Variants in PTPN13 observed in about 807,000 individuals in gnomAD.
PTPN13 encodes the protein protein tyrosine phosphatase non-receptor type 13, also known as tyrosine-protein phosphatase non-receptor type 13.
In PTPN13, 191 loss-of-function variants were observed where a neutral mutation model predicts 284.0. The observed-to-expected ratio is 0.67, with a 90% CI of 0.60 to 0.76. The LOEUF (loss-of-function observed/expected upper bound fraction) is 0.76. PTPN13 is among the 30% of genes least tolerant of loss of function. The probability of loss-of-function intolerance (pLI) is 0.00; values close to 1 mark genes in which losing one functional copy is unlikely to be tolerated. For missense variants in PTPN13, 2,797 were observed against 2,939.9 expected (o/e 0.95, Z 1.12); for synonymous variants, 986 against 1,022.3 (o/e 0.96, Z 0.68).
At chr4:86,764,823 A>G in intron 25 of PTPN13, 99 bp downstream of exon 25, 2 of 1,357,282 alleles carry the variant, frequency 1.5e-6, no homozygotes, top group East Asian at 2.7e-5. Flanking sequence ...ATCAAAAGGG[A>G]CACATCAAAT....
intron 2 of PTPN13, among the ~76,000 whole-genome samples, chr4:86,655,381 G>A (rs955605434): frequency 2.0e-5 from 3 of 152,000 alleles, no homozygotes; most frequent in Non-Finnish European, 4.4e-5. Context: ...GGCTGGTACC[G>A]GTTGTTCTTT....
chr4:86,741,702 A>G lies in PTPN13; in HGVS notation c.2373A>G (p.Thr791=), dbSNP rs765439785. 1 of 1,613,782 alleles carries G rather than the reference A, an allele frequency of 6.2e-7. No individual in the cohort carries two copies. Among genetic ancestry groups the G allele is most frequent in the South Asian group, 1.1e-5 (1 of 91,012 alleles). Residue 791 remains threonine, a synonymous_variant, in exon 16 of 48, where the codon ACA becomes ACG. Coordinates refer to ENST00000411767, the MANE Select transcript of PTPN13 (RefSeq NM_080683.3). The stretch of plus-strand genomic sequence containing the variant: ...TGCACCCTGAGAAGAAGTCACAAAC[A>G]GGAATATTGCTTGGAGTCTGTTCTA... ...HRVHPEKKSQ[T]GILLGVCSKG... is the part of the protein sequence containing the mutation.
intron 3 of PTPN13, among the ~76,000 whole-genome samples, chr4:86,679,966 T>A (rs1034791092): frequency 6.6e-6 from 1 of 152,240 alleles, no homozygotes; most frequent in African/African-American, 2.4e-5. Context: ...ATTCTGGCTT[T>A]GTCACCTAAG....
intron 3 of PTPN13, among the ~76,000 whole-genome samples, chr4:86,674,432 C>T (rs550125717): frequency 1.3e-5 from 2 of 152,252 alleles, no homozygotes; most frequent in African/African-American, 4.8e-5. Flanking sequence ...TTTCTTTAAA[C>T]TGACAATCAT....
chr4:86,711,098 C>CTTTTTTTTTTTTTTTTTTTT (rs58186398), intron 7 of PTPN13, among the ~76,000 whole-genome samples: 6 of 97,108 alleles, frequency 6.2e-5, no homozygotes, highest in Non-Finnish European at 8.2e-5. Context: ...TAATTATTGC[C>CTTTTTTTTTTTTTTTTTTTT]TTTTTTTTTT....
chr4:86,785,643 T>C (rs1290417156), intron 39 of PTPN13, among the ~76,000 whole-genome samples: 1 of 152,180 alleles, frequency 6.6e-6, no homozygotes, highest in Non-Finnish European at 1.5e-5. Context: ...CCAGCCATTC[T>C]CATTTTAATT....
intron 2 of PTPN13, among the ~76,000 whole-genome samples, chr4:86,643,619 A>G (rs952282660): frequency 1.3e-5 from 2 of 152,168 alleles, no homozygotes; most frequent in African/African-American, 4.8e-5. Flanking sequence ...CAGGAAAATT[A>G]TCTTGCTACT....
At position 86,785,276 on chromosome 4, in the gene PTPN13, C is replaced by G; in HGVS notation, c.6164C>G (p.Ala2055Gly). The G allele has an allele frequency of 6.3e-7, 1 of 1,594,482 alleles. No individual in the cohort carries two copies. The highest frequency in any genetic ancestry group is 8.6e-7 in the Non-Finnish European group (1 of 1,164,310). The part of the protein sequence containing the change: ...EDDIYDDSQE[A>G]EVIQSLLDVV... ...GACATTTATGATGATTCCCAAGAAGCTGAAGTTATCCAGTCTCTGCTGGAT... is the reference window on the plus strand; with the variant it reads ...GACATTTATGATGATTCCCAAGAAGGTGAAGTTATCCAGTCTCTGCTGGAT... The change falls in exon 39 of 48, where the codon GCT becomes GGT. Residue 2055 changes from alanine to glycine, a missense_variant. Ala to Gly is a moderately conservative substitution (Grantham distance 60, BLOSUM62 0). Transcript: ENST00000411767.
intron 3 of PTPN13, among the ~76,000 whole-genome samples, chr4:86,686,267 C>T (rs1335657544): frequency 6.6e-6 from 1 of 151,696 alleles, no homozygotes; most frequent in Non-Finnish European, 1.5e-5. Context: ...GAGGCTGAGC[C>T]AGGAGAATTG....
intron 40 of PTPN13, 114 bp downstream of exon 40, chr4:86,786,050 A>G (rs543076332): frequency 2.0e-6 from 1 of 512,048 alleles, no homozygotes; most frequent in South Asian, 7.6e-5. Context: ...AATTAAATTT[A>G]GGAGGAAAAC....
intron 42 of PTPN13, 113 bp downstream of exon 42, chr4:86,799,317 CTTTT>C (rs11358237): frequency 2.1e-4 from 79 of 368,972 alleles, no homozygotes; most frequent in Middle Eastern, 8.0e-4. Context: ...ACATTATTTG[CTTTT>C]TTTTTTTTTT....
At chr4:86,713,303 G>T (rs1163680086) in intron 7 of PTPN13, among the ~76,000 whole-genome samples, 1 of 152,068 alleles carries the variant, frequency 6.6e-6, no homozygotes, top group Non-Finnish European at 1.5e-5. Flanking sequence ...TGAGGATTCT[G>T]TAACAATAAA....
chr4:86,633,244 C>T (rs1025833912), intron 1 of PTPN13, among the ~76,000 whole-genome samples: 2 of 152,154 alleles, frequency 1.3e-5, no homozygotes, highest in African/African-American at 2.4e-5. Context: ...GGCCGTGCTT[C>T]CTTGCCCCTC....
chr4:86,644,864 AT>A, intron 2 of PTPN13, among the ~76,000 whole-genome samples: 1 of 152,310 alleles, frequency 6.6e-6, no homozygotes, highest in South Asian at 2.1e-4. Context: ...TTTTTAATAG[AT>A]GCAGAAAAAC....
At chr4:86,645,105 A>G (rs954946183) in intron 2 of PTPN13, among the ~76,000 whole-genome samples, 1 of 152,118 alleles carries the variant, frequency 6.6e-6, no homozygotes, top group Admixed American at 6.5e-5. Flanking sequence ...GCTATTCAAG[A>G]GGATGACTTG....
chr4:86,670,171 CTTTT>C (rs201314867), intron 2 of PTPN13, among the ~76,000 whole-genome samples: 3 of 110,260 alleles, frequency 2.7e-5, no homozygotes, highest in African/African-American at 3.4e-5. Flanking sequence ...TATCTTAATT[CTTTT>C]TTTTTTTTTT....
intron 12 of PTPN13, among the ~76,000 whole-genome samples, chr4:86,733,058 A>G (rs1391746474): frequency 6.6e-6 from 1 of 152,090 alleles, no homozygotes; most frequent in Non-Finnish European, 1.5e-5. Flanking sequence ...TTAATGGTCT[A>G]CATGTGTACT....
intron 36 of PTPN13, among the ~76,000 whole-genome samples, chr4:86,781,704 C>T (rs968977828): frequency 1.3e-5 from 2 of 151,494 alleles, no homozygotes; most frequent in African/African-American, 4.9e-5. Flanking sequence ...TTTCCTCACA[C>T]CTGTAATCCC....
intron 2 of PTPN13, among the ~76,000 whole-genome samples, chr4:86,663,633 A>G (rs1235945967): frequency 6.6e-6 from 1 of 152,234 alleles, no homozygotes; most frequent in African/African-American, 2.4e-5. Context: ...GAACCCCATC[A>G]GTGGATAAGG....
Sources: allele counts gnomAD v4.1 joint callset (sites outside exome capture counted in the v4.1 genomes callset), GRCh38; gene constraint gnomAD v4.1.1; transcripts MANE v1.5; gene names NCBI Gene and HGNC (gene_info 2026-07-23, HGNC 2026-07-21).